ABCB5: variants seen among roughly 807,000 people sequenced by gnomAD.
ABCB5 encodes ATP-binding cassette sub-family B member 5.
A neutral mutation model predicts 144.2 loss-of-function variants in ABCB5; 155 were observed. The observed-to-expected ratio is 1.08, with a 90% CI of 0.94 to 1.23. The LOEUF (loss-of-function observed/expected upper bound fraction) is 1.23. Among genes scored for constraint, ABCB5 ranks in the 50% most tolerant of loss-of-function variants. The probability of loss-of-function intolerance (pLI) is 0.00; values close to 1 mark genes in which losing one functional copy is unlikely to be tolerated. For missense variants in ABCB5, 1,830 were observed against 1,520.8 expected (o/e 1.20, Z -3.38); for synonymous variants, 610 against 528.6 (o/e 1.15, Z -2.11).
chr7:20,638,698 T>C, intron 5 of ABCB5, among the ~76,000 whole-genome samples: 1 of 152,206 alleles, frequency 6.6e-6, no homozygotes, highest in Non-Finnish European at 1.5e-5. Flanking sequence ...AGTTTATTCC[T>C]TTTTATTGCT....
At chr7:20,617,395 TC>T (rs1477249366) in intron 1 of ABCB5, among the ~76,000 whole-genome samples, 3 of 152,190 alleles carry the variant, frequency 2.0e-5, no homozygotes, top group Admixed American at 1.3e-4. Context: ...ATGCCAGAGG[TC>T]CTTTGACAAT....
Position 20,731,365 on chromosome 7 carries a change from A to ATAT in ABCB5, c.2867+2910_2867+2911insTAT, listed in dbSNP as rs1201095218. On this transcript the variant is annotated intron_variant, in intron 23 of 27. Coordinates refer to ENST00000404938, the MANE Select transcript of ABCB5 (RefSeq NM_001163941.2). ...AAGACTCCAACTCAGGAAAAAAAAAAAAAAATATATATATATATATACATA... is the reference window on the plus strand; with the variant it reads ...AAGACTCCAACTCAGGAAAAAAAAAATATAAAAATATATATATATATATACATA... Among the ~76,000 whole-genome samples the ATAT allele has an allele frequency of 5.2e-3, 460 of 87,900 alleles. 3 individuals carry two copies. The highest frequency in any genetic ancestry group is 6.2e-3 in the Non-Finnish European group (279 of 44,796). 57.7% of individuals were successfully genotyped at this position (87,900 alleles called of 152,430 possible).
chr7:20,681,371 C>A, intron 14 of ABCB5, 134 bp from the exon 15 acceptor site: 1 of 907,002 alleles, frequency 1.1e-6, no homozygotes, highest in Non-Finnish European at 1.6e-6. Flanking sequence ...AGGTGATCCA[C>A]CCTCCTCGGC....
chr7:20,697,301 T>C (rs1583432613), intron 16 of ABCB5, among the ~76,000 whole-genome samples: 2 of 152,274 alleles, frequency 1.3e-5, no homozygotes, highest in African/African-American at 4.8e-5. Context: ...ACACTGAGAA[T>C]AGAACGAGAA....
rs114660272 is a variant in ABCB5 at position 20,754,897 on chromosome 7, T to C, written c.3577-530T>C. Among the ~76,000 whole-genome samples, 639 of 152,316 alleles carry C rather than the reference T, an allele frequency of 4.2e-3. 4 individuals are homozygous for C. Among genetic ancestry groups the C allele is most frequent in the African/African-American group, 0.015 (613 of 41,568 alleles). Reference sequence around the variant, plus strand: ...TAAACAACTATTTCATTTTTATTCATTCTCACAAATGCTTTTCCACTGAAA... The same window carrying C: ...TAAACAACTATTTCATTTTTATTCACTCTCACAAATGCTTTTCCACTGAAA... On this transcript the variant is annotated intron_variant, in intron 27 of 27. Transcript: ENST00000404938.
chr7:20,713,575 T>C (rs1229115934), intron 20 of ABCB5, among the ~76,000 whole-genome samples: 3 of 149,850 alleles, frequency 2.0e-5, no homozygotes, highest in Admixed American at 6.7e-5. Context: ...ATTGTGAATT[T>C]AAAATTTTTG....
At chr7:20,704,909 C>G in intron 20 of ABCB5, 102 bp downstream of exon 20, 1 of 876,098 alleles carries the variant, frequency 1.1e-6, no homozygotes, top group Non-Finnish European at 1.7e-6. Context: ...CTGAGATGAC[C>G]CACATCATTA....
At chr7:20,660,969 A>G (rs1784984452) in intron 14 of ABCB5, among the ~76,000 whole-genome samples, 1 of 152,228 alleles carries the variant, frequency 6.6e-6, no homozygotes, top group African/African-American at 2.4e-5. Context: ...TTCTTAGGGC[A>G]GGGGTGAATT....
intron 20 of ABCB5, among the ~76,000 whole-genome samples, chr7:20,716,160 C>T (rs570807523): frequency 1.8e-4 from 28 of 152,132 alleles, no homozygotes; most frequent in Non-Finnish European, 3.5e-4. Flanking sequence ...TTTATCCTTT[C>T]GACAATATAG....
At chr7:20,672,643 T>C (rs1009270146) in intron 14 of ABCB5, among the ~76,000 whole-genome samples, 9 of 152,240 alleles carry the variant, frequency 5.9e-5, no homozygotes, top group Non-Finnish European at 1.0e-4. Flanking sequence ...TGTTTTCTTC[T>C]GAAGGTATTA....
intron 16 of ABCB5, among the ~76,000 whole-genome samples, chr7:20,698,093 T>G (rs1455213380): frequency 6.6e-6 from 1 of 152,136 alleles, no homozygotes; most frequent in African/African-American, 2.4e-5. Flanking sequence ...TAAAGAAAAA[T>G]ACACCTGCCA....
At chr7:20,738,461 C>A (rs1415083918) in intron 23 of ABCB5, among the ~76,000 whole-genome samples, 2 of 152,146 alleles carry the variant, frequency 1.3e-5, no homozygotes, top group Non-Finnish European at 2.9e-5. Flanking sequence ...CTTTGGGAAC[C>A]TGAGGAAAAT....
At chr7:20,672,543 C>T (rs1053015094) in intron 14 of ABCB5, among the ~76,000 whole-genome samples, 1 of 151,970 alleles carries the variant, frequency 6.6e-6, no homozygotes, top group Non-Finnish European at 1.5e-5. Context: ...CAGTTCTGAA[C>T]ATGTATCCAG....
At chr7:20,686,070 G>A (rs1785985618) in intron 16 of ABCB5, among the ~76,000 whole-genome samples, 1 of 152,132 alleles carries the variant, frequency 6.6e-6, no homozygotes, top group African/African-American at 2.4e-5. Flanking sequence ...AAAATCTCGT[G>A]AGACTGTTAC....
intron 23 of ABCB5, among the ~76,000 whole-genome samples, chr7:20,738,566 A>AAAAC (rs1782461035): frequency 6.6e-6 from 1 of 152,238 alleles, no homozygotes; most frequent in African/African-American, 2.4e-5. Flanking sequence ...CATTATATGC[A>AAAAC]AAACAAACAA....
At chr7:20,677,388 A>C (rs901125287) in intron 14 of ABCB5, among the ~76,000 whole-genome samples, 5 of 152,176 alleles carry the variant, frequency 3.3e-5, no homozygotes, top group African/African-American at 1.2e-4. Context: ...TTTTAGTATC[A>C]GACTAAAAAT....
intron 16 of ABCB5, among the ~76,000 whole-genome samples, chr7:20,690,805 G>T (rs1786194946): frequency 6.6e-6 from 1 of 152,134 alleles, no homozygotes; most frequent in Non-Finnish European, 1.5e-5. Context: ...CAAATGGCTG[G>T]CAAAATAAGA....
Position 20,728,376 on chromosome 7 carries a change from T to G in ABCB5, c.2788T>G (p.Tyr930Asp). ...SCYAFSHAFI[Y>D]FAYAAGFRFG... ...TTATGCATTCAGCCATGCCTTTATA[T>G]ATTTTGCCTATGCGGCAGGGTTTCG... Residue 930 changes from tyrosine to aspartate, a missense_variant, in exon 23 of 28, where the codon TAT (tyrosine) becomes GAT (aspartate). Physicochemically the swap from Tyr to Asp is radical, Grantham distance 160. Coordinates refer to ENST00000404938, the MANE Select transcript of ABCB5 (RefSeq NM_001163941.2). 1 of 1,614,196 alleles carries G rather than the reference T, an allele frequency of 6.2e-7. No homozygotes were observed. The highest frequency in any genetic ancestry group is 8.5e-7 in the Non-Finnish European group (1 of 1,180,026).
chr7:20,648,252 A>G (rs887430618), intron 11 of ABCB5, among the ~76,000 whole-genome samples, 174 bp downstream of exon 11: 1 of 152,180 alleles, frequency 6.6e-6, no homozygotes. Flanking sequence ...TCAACTAGTT[A>G]TATTTTGCAG....
Sources: gnomAD v4.1 joint callset for allele counts (sites outside exome capture counted in the v4.1 genomes callset) on GRCh38, gnomAD v4.1.1 for gene constraint, MANE v1.5 for transcripts, NCBI Gene and HGNC (gene_info 2026-07-23, HGNC 2026-07-21) for gene names.